The following NBEA variants were observed in gnomAD, a reference collection of about 807,000 sequenced individuals.
NBEA encodes neurobeachin, also known as lysosomal-trafficking regulator 2.
A neutral mutation model predicts 343.4 loss-of-function variants in NBEA; 44 were observed. The observed-to-expected ratio is 0.13, with a 90% CI of 0.10 to 0.16. The LOEUF (loss-of-function observed/expected upper bound fraction) is 0.16. Among genes scored for constraint, NBEA ranks in the 10% least tolerant of loss-of-function variants. The pLI is 1.00. For missense variants in NBEA, 2,555 were observed against 3,631.3 expected, an observed-to-expected ratio of 0.70 and a Z score of 7.62; for synonymous variants, 1,175 against 1,238.7, an observed-to-expected ratio of 0.95 and a Z score of 1.08.
At chr13:35,323,810 T>C (rs891219096) in intron 36 of NBEA, among the ~76,000 whole-genome samples, 8 of 152,182 alleles carry the variant, frequency 5.3e-5, no homozygotes, top group African/African-American at 1.9e-4. Context: ...CTTTTCTCCT[T>C]ATTACATTAA....
chr13:35,649,594 C>G, intron 51 of NBEA, 61 bp from the exon 52 acceptor site: 5 of 1,409,766 alleles, frequency 3.5e-6, no homozygotes, highest in East Asian at 2.3e-5. Flanking sequence ...CTCCCTAGAC[C>G]TTTCACTAAC....
intron 1 of NBEA, among the ~76,000 whole-genome samples, chr13:34,996,126 T>G (rs2060931678): frequency 6.6e-6 from 1 of 152,188 alleles, no homozygotes; most frequent in African/African-American, 2.4e-5. Context: ...TCTAGTAGAT[T>G]TGCTATATAA....
At position 35,530,665 on chromosome 13, in the gene NBEA, C is replaced by T. The variant is rs533675285; in HGVS notation, c.6586-19812C>T. Among the ~76,000 whole-genome samples the T allele has an allele frequency of 5.5e-4, 84 of 152,210 alleles. 1 individual carries two copies. Among genetic ancestry groups the T allele is most frequent in the Non-Finnish European group, 1.0e-3 (71 of 68,006 alleles). On this transcript the variant is annotated intron_variant, in intron 41 of 58. Coordinates refer to ENST00000379939, the MANE Select transcript of NBEA (RefSeq NM_001385012.1). The stretch of plus-strand genomic sequence containing the variant: ...GTCTTCCCAAGAGAAAAAGAACCAC[C>T]GTTATTGAGGGCTTAAAAGAAACAA...
intron 41 of NBEA, among the ~76,000 whole-genome samples, chr13:35,513,681 A>G (rs937040435): frequency 2.6e-5 from 4 of 152,150 alleles, no homozygotes; most frequent in Non-Finnish European, 4.4e-5. Context: ...GATGTAAAGT[A>G]TATAAATTAT....
At chr13:35,585,130 T>TAAAAAAAAAAAAA (rs1159055965) in intron 46 of NBEA, among the ~76,000 whole-genome samples, 2 of 544 alleles carry the variant, frequency 3.7e-3, no homozygotes, top group African/African-American at 0.014. Context: ...CTCACTGACC[T>TAAAAAAAAAAAAA]TAAAAAAAAA....
chr13:35,434,760 T>G (rs951162239), intron 39 of NBEA, among the ~76,000 whole-genome samples: 2 of 152,130 alleles, frequency 1.3e-5, no homozygotes, highest in Admixed American at 1.3e-4. Flanking sequence ...AATCACAAAT[T>G]GACGAGAGAA....
chr13:35,407,409 TAAAA>T (rs1317354255), intron 38 of NBEA, among the ~76,000 whole-genome samples: 1 of 150,878 alleles, frequency 6.6e-6, no homozygotes, highest in Non-Finnish European at 1.5e-5. Flanking sequence ...TTTTTGTTCT[TAAAA>T]AAACTGCTTT....
intron 13 of NBEA, among the ~76,000 whole-genome samples, chr13:35,114,991 G>T (rs1407863928): frequency 1.3e-5 from 2 of 152,000 alleles, no homozygotes; most frequent in African/African-American, 2.4e-5. Flanking sequence ...TGAGAAGTAG[G>T]ATATTTTTGC....
chr13:35,646,018 C>A, intron 50 of NBEA, 87 bp downstream of exon 50: 1 of 891,128 alleles, frequency 1.1e-6, no homozygotes. Context: ...CACATTTAAC[C>A]CCAGCTTCTG....
rs2084751155 is a variant in NBEA at position 35,655,085 on chromosome 13, A to G, written c.8191+75A>G. 3 of 1,202,710 alleles carry G rather than the reference A, an allele frequency of 2.5e-6. No individual in the cohort carries two copies. In the African/African-American group the frequency reaches 4.8e-5, roughly 19 times the overall value. 74.5% of individuals were successfully genotyped at this position (1,202,710 alleles called of 1,614,324 possible). On this transcript the variant is annotated intron_variant, in intron 54 of 58. Coordinates refer to ENST00000379939, the MANE Select transcript of NBEA (RefSeq NM_001385012.1). ...AAACCAAAGCTGAATATGAAATCAT[A>G]CTTAATGTAGGCATTTTTATCATTT... is the stretch of plus-strand genomic sequence containing the variant.
chr13:35,208,649 A>C, intron 31 of NBEA, 51 bp from the exon 32 acceptor site: 7 of 1,405,946 alleles, frequency 5.0e-6, no homozygotes, highest in Non-Finnish European at 6.7e-6. Context: ...CAGGATTATA[A>C]TTCATCTTCA....
intron 41 of NBEA, among the ~76,000 whole-genome samples, chr13:35,484,600 AT>A (rs2076245625): frequency 6.6e-6 from 1 of 151,790 alleles, no homozygotes; most frequent in African/African-American, 2.4e-5. Flanking sequence ...TAAAAAAAAA[AT>A]CTCTTTATTT....
chr13:35,509,838 T>C (rs1474904219), intron 41 of NBEA, among the ~76,000 whole-genome samples: 1 of 152,196 alleles, frequency 6.6e-6, no homozygotes, highest in African/African-American at 2.4e-5. Flanking sequence ...AGCCATTGAA[T>C]TGAATAAGGC....
At chr13:35,572,818 C>A (rs1476063374) in intron 45 of NBEA, among the ~76,000 whole-genome samples, 1 of 152,066 alleles carries the variant, frequency 6.6e-6, no homozygotes, top group African/African-American at 2.4e-5. Context: ...ACTACAATCT[C>A]AACTAGAGCA....
intron 46 of NBEA, among the ~76,000 whole-genome samples, chr13:35,585,007 C>T (rs539279486): frequency 1.5e-4 from 22 of 151,024 alleles, no homozygotes; most frequent in Non-Finnish European, 2.2e-4. Flanking sequence ...TGCTCTCCCC[C>T]CCTCCCTCAT....
intron 41 of NBEA, among the ~76,000 whole-genome samples, chr13:35,483,683 T>C (rs942244018): frequency 6.6e-6 from 1 of 152,146 alleles, no homozygotes; most frequent in African/African-American, 2.4e-5. Flanking sequence ...ATACAAATTA[T>C]TTAAATGCTT....
At chr13:35,649,910 A>G (rs900099415) in intron 52 of NBEA, 63 bp downstream of exon 52, 2 of 1,336,352 alleles carry the variant, frequency 1.5e-6, no homozygotes, top group Admixed American at 2.7e-5. Flanking sequence ...AAAGTAAAAA[A>G]GTGTACTGGG....
intron 47 of NBEA, among the ~76,000 whole-genome samples, chr13:35,601,046 G>A (rs983985462): frequency 2.0e-5 from 3 of 151,992 alleles, no homozygotes; most frequent in African/African-American, 4.8e-5. Flanking sequence ...CCATCATGGC[G>A]CACACCTGTA....
At chr13:35,376,005 A>G (rs995370303) in intron 38 of NBEA, among the ~76,000 whole-genome samples, 1 of 152,158 alleles carries the variant, frequency 6.6e-6, no homozygotes, top group Non-Finnish European at 1.5e-5. Context: ...GTCAGGGACT[A>G]ATTGGATACC....
Sources: gnomAD v4.1 joint callset for allele counts (sites outside exome capture counted in the v4.1 genomes callset) on GRCh38, gnomAD v4.1.1 for gene constraint, MANE v1.5 for transcripts, NCBI Gene and HGNC (gene_info 2026-07-23, HGNC 2026-07-21) for gene names.